TNR: variants seen among roughly 807,000 people sequenced by gnomAD.
The protein encoded by TNR is tenascin-R.
Under a neutral mutation model 150.4 loss-of-function variants are expected in TNR, and 45 were observed. That is an observed-to-expected ratio of 0.30 (90% confidence interval 0.24 to 0.38). TNR has a LOEUF of 0.38. Ranked by LOEUF, TNR falls within the 10% of genes least tolerant of loss-of-function variation. The pLI is 1.00. For synonymous variants in TNR, 687 were observed against 678.4 expected, an observed-to-expected ratio of 1.01 and a Z score of -0.20; for missense variants, 1,544 against 1,759.1, an observed-to-expected ratio of 0.88 and a Z score of 2.19.
intron 9 of TNR, among the ~76,000 whole-genome samples, chr1:175,378,220 C>T (rs935038472): frequency 4.6e-5 from 7 of 152,142 alleles, no homozygotes; most frequent in Non-Finnish European, 7.3e-5. Flanking sequence ...AACTTTTCAT[C>T]GGGTGCATAA....
intron 2 of TNR, among the ~76,000 whole-genome samples, chr1:175,486,937 G>A (rs1398490168): frequency 6.6e-6 from 1 of 152,184 alleles, no homozygotes; most frequent in Non-Finnish European, 1.5e-5. Flanking sequence ...AGAAGTGTCT[G>A]TTCATATCCT....
At chr1:175,634,754 G>A (rs1361008919) in intron 1 of TNR, among the ~76,000 whole-genome samples, 1 of 152,160 alleles carries the variant, frequency 6.6e-6, no homozygotes, top group Non-Finnish European at 1.5e-5. Flanking sequence ...CAGAACTCCT[G>A]TAGCACCAGA....
At chr1:175,559,298 G>T (rs1406766856) in intron 1 of TNR, among the ~76,000 whole-genome samples, 9 of 152,088 alleles carry the variant, frequency 5.9e-5, no homozygotes, top group African/African-American at 1.7e-4. Flanking sequence ...TTAATTTTAT[G>T]CCATGTGAAT....
rs531935732 is a variant in TNR at position 175,720,440 on chromosome 1, T to C, written c.-165+22786A>G. On this transcript the variant is annotated intron_variant, in intron 1 of 22. Coordinates refer to ENST00000367674, the MANE Select transcript of TNR (RefSeq NM_003285.3). ...CCTCCTAGGCTATGGTGTTTCATTATGGCAGCCTTAGCTGACTAACATATC... is the reference window on the plus strand; with the variant it reads ...CCTCCTAGGCTATGGTGTTTCATTACGGCAGCCTTAGCTGACTAACATATC... Among the ~76,000 whole-genome samples, 5 of 152,360 alleles carry C rather than the reference T, an allele frequency of 3.3e-5. No individual in the cohort carries two copies. In the East Asian group the frequency reaches 9.6e-4, roughly 29 times the overall value.
chr1:175,334,208 C>A (rs1650102724), intron 20 of TNR, among the ~76,000 whole-genome samples: 1 of 152,194 alleles, frequency 6.6e-6, no homozygotes. Context: ...TCTAACATGG[C>A]TGATTCCTTG....
At chr1:175,388,361 T>C (rs1345963653) in intron 7 of TNR, among the ~76,000 whole-genome samples, 1 of 152,148 alleles carries the variant, frequency 6.6e-6, no homozygotes, top group African/African-American at 2.4e-5. Flanking sequence ...GGATTGAACA[T>C]ATTAAAATGT....
chr1:175,356,817 C>A (rs1651352999), intron 15 of TNR, among the ~76,000 whole-genome samples: 1 of 152,216 alleles, frequency 6.6e-6, no homozygotes, highest in African/African-American at 2.4e-5. Context: ...TCAGCCCCCA[C>A]TTCCCATCAC....
At position 175,486,944 on chromosome 1, in the gene TNR, T is replaced by C. The variant is rs150881059; in HGVS notation, c.-64+41325A>G. 7.5e-3 allele frequency among the ~76,000 whole-genome samples: 1,149 copies of C among 152,356 alleles called. 9 individuals carry two copies. Among genetic ancestry groups the C allele is most frequent in the African/African-American group, 0.026 (1,095 of 41,564 alleles). ...TTCTTTTGAGAAGTGTCTGTTCATA[T>C]CCTTTGCCCACTTCTTGATGGGGTT... On this transcript the variant is annotated intron_variant, in intron 2 of 22. Coordinates refer to ENST00000367674, the MANE Select transcript of TNR (RefSeq NM_003285.3).
intron 1 of TNR, among the ~76,000 whole-genome samples, chr1:175,662,667 G>A (rs1332472832): frequency 6.6e-6 from 1 of 152,208 alleles, no homozygotes; most frequent in Non-Finnish European, 1.5e-5. Context: ...GAGCTGGAGG[G>A]CGTCTGTAAC....
chr1:175,673,754 G>A (rs1256911144), intron 1 of TNR, among the ~76,000 whole-genome samples: 1 of 152,252 alleles, frequency 6.6e-6, no homozygotes. Flanking sequence ...TGGTACGGGA[G>A]GGTAGAATTA....
chr1:175,438,479 T>C (rs1009569457), intron 2 of TNR, among the ~76,000 whole-genome samples: 2 of 152,200 alleles, frequency 1.3e-5, no homozygotes, highest in African/African-American at 4.8e-5. Context: ...AAGACAGGGA[T>C]GCCCTCTCTC....
At chr1:175,657,181 G>A (rs1385543884) in intron 1 of TNR, among the ~76,000 whole-genome samples, 1 of 152,144 alleles carries the variant, frequency 6.6e-6, no homozygotes, top group Non-Finnish European at 1.5e-5. Context: ...CAAGATGCCA[G>A]GTGACCATCA....
intron 6 of TNR, among the ~76,000 whole-genome samples, chr1:175,392,314 G>A (rs1182294862): frequency 2.6e-5 from 4 of 152,046 alleles, no homozygotes; most frequent in Admixed American, 2.6e-4. Flanking sequence ...CTCTATTTAT[G>A]GTACCCAGGG....
At chr1:175,671,117 G>C (rs554518999) in intron 1 of TNR, among the ~76,000 whole-genome samples, 10 of 152,130 alleles carry the variant, frequency 6.6e-5, no homozygotes, top group Non-Finnish European at 8.8e-5. Flanking sequence ...CACCCGTAGG[G>C]GTATCTAAGT....
intron 1 of TNR, among the ~76,000 whole-genome samples, chr1:175,731,478 T>C (rs1667640121): frequency 6.6e-6 from 1 of 152,206 alleles, no homozygotes; most frequent in Non-Finnish European, 1.5e-5. Flanking sequence ...TTATTCTTTC[T>C]ACTGGGGGAA....
At chr1:175,400,684 G>A (rs1054746122) in intron 4 of TNR, among the ~76,000 whole-genome samples, 6 of 152,096 alleles carry the variant, frequency 3.9e-5, no homozygotes, top group Admixed American at 2.6e-4. Flanking sequence ...GCCCTATAAC[G>A]AAGTATATTT....
chr1:175,354,577 T>C, intron 17 of TNR, 54 bp from the exon 18 acceptor site: 1 of 1,611,594 alleles, frequency 6.2e-7, no homozygotes, highest in Non-Finnish European at 8.5e-7. Context: ...GCTTGCAATT[T>C]GGGAAAGTAG....
chr1:175,375,174 G>T (rs1366384426), intron 9 of TNR, among the ~76,000 whole-genome samples: 1 of 60,536 alleles, frequency 1.7e-5, no homozygotes, highest in East Asian at 5.4e-4. Flanking sequence ...TAAATGATTT[G>T]TTGTTTTTTT....
chr1:175,552,892 C>A (rs964239155), intron 1 of TNR, among the ~76,000 whole-genome samples: 11 of 152,178 alleles, frequency 7.2e-5, no homozygotes, highest in African/African-American at 2.7e-4. Flanking sequence ...ATCAGATAAA[C>A]CGTGAGTATA....
Sources: allele counts gnomAD v4.1 joint callset (sites outside exome capture counted in the v4.1 genomes callset), GRCh38; gene constraint gnomAD v4.1.1; transcripts MANE v1.5; gene names NCBI Gene and HGNC (gene_info 2026-07-23, HGNC 2026-07-21).